ZSWIM6: variants seen among roughly 807,000 people sequenced by gnomAD.
ZSWIM6 encodes zinc finger SWIM domain-containing protein 6.
In ZSWIM6, 9 loss-of-function variants were observed where a neutral mutation model predicts 113.2. The ratio of observed to expected loss-of-function variants is 0.08; its 90% CI spans 0.05 to 0.14. The LOEUF (loss-of-function observed/expected upper bound fraction) is 0.14. Ranked by LOEUF, ZSWIM6 falls within the 10% of genes least tolerant of loss-of-function variation. The probability of loss-of-function intolerance (pLI) is 1.00; values close to 1 mark genes in which losing one functional copy is unlikely to be tolerated. For synonymous variants in ZSWIM6, 611 were observed against 606.5 expected (o/e 1.01, Z -0.11); for missense variants, 1,162 against 1,552.2 (o/e 0.75, Z 4.22).
intron 1 of ZSWIM6, among the ~76,000 whole-genome samples, chr5:61,470,539 C>T (rs1561250699): frequency 1.3e-5 from 2 of 152,042 alleles, no homozygotes; most frequent in Admixed American, 1.3e-4. Context: ...TTTACTTTTT[C>T]ATGTGACTTT....
chr5:61,343,625 A>T (rs377613803), intron 1 of ZSWIM6, among the ~76,000 whole-genome samples: 22 of 152,172 alleles, frequency 1.4e-4, no homozygotes, highest in South Asian at 2.1e-4. Context: ...GTGTGGCTGT[A>T]GGTCTTTGTT....
chr5:61,371,855 C>T (rs1030205401), intron 1 of ZSWIM6, among the ~76,000 whole-genome samples: 1 of 152,020 alleles, frequency 6.6e-6, no homozygotes, highest in Non-Finnish European at 1.5e-5. Context: ...GTATTATTAT[C>T]CTCCCTCACC....
At chr5:61,495,114 A>C (rs1419885052) in intron 4 of ZSWIM6, among the ~76,000 whole-genome samples, 1 of 152,180 alleles carries the variant, frequency 6.6e-6, no homozygotes, top group African/African-American at 2.4e-5. Flanking sequence ...AAATTTTGAC[A>C]AATATATCAG....
intron 1 of ZSWIM6, among the ~76,000 whole-genome samples, chr5:61,369,972 A>G (rs1745230652): frequency 6.6e-6 from 1 of 152,242 alleles, no homozygotes; most frequent in Non-Finnish European, 1.5e-5. Flanking sequence ...AGGCTATAGC[A>G]TAAATCAGAT....
chr5:61,492,543 T>C (rs968728698), intron 3 of ZSWIM6, among the ~76,000 whole-genome samples: 1 of 152,136 alleles, frequency 6.6e-6, no homozygotes, highest in African/African-American at 2.4e-5. Flanking sequence ...CTATTTTACA[T>C]GGTTGTTGTG....
At chr5:61,345,101 T>C (rs1189398396) in intron 1 of ZSWIM6, among the ~76,000 whole-genome samples, 1 of 152,224 alleles carries the variant, frequency 6.6e-6, no homozygotes, top group Non-Finnish European at 1.5e-5. Flanking sequence ...TTATTTACTA[T>C]GCCTCGGGGG....
chr5:61,354,371 T>C (rs1744854952), intron 1 of ZSWIM6, among the ~76,000 whole-genome samples: 1 of 152,226 alleles, frequency 6.6e-6, no homozygotes, highest in Non-Finnish European at 1.5e-5. Context: ...AATCCACCTA[T>C]GCTGTACAAT....
intron 1 of ZSWIM6, among the ~76,000 whole-genome samples, chr5:61,424,384 A>G (rs1746420538): frequency 6.6e-6 from 1 of 152,218 alleles, no homozygotes; most frequent in Non-Finnish European, 1.5e-5. Context: ...AAGGGCAAAC[A>G]TAAAGGAGAA....
intron 1 of ZSWIM6, among the ~76,000 whole-genome samples, chr5:61,370,928 C>A (rs1387250212): frequency 6.6e-6 from 1 of 152,092 alleles, no homozygotes; most frequent in Non-Finnish European, 1.5e-5. Flanking sequence ...CATATGTTTG[C>A]GTATTCATTG....
chr5:61,336,259 A>G (rs1169307106), intron 1 of ZSWIM6, among the ~76,000 whole-genome samples: 1 of 152,106 alleles, frequency 6.6e-6, no homozygotes, highest in Non-Finnish European at 1.5e-5. Flanking sequence ...GTAAGACTCC[A>G]TCTCAAAAAA....
chr5:61,473,574 T>C (rs1747630964), intron 2 of ZSWIM6, among the ~76,000 whole-genome samples: 2 of 152,206 alleles, frequency 1.3e-5, no homozygotes, highest in South Asian at 2.1e-4. Context: ...TTCTCATTTA[T>C]TTGTGAACGT....
chr5:61,448,000 C>T lies in ZSWIM6; in HGVS notation c.677-24681C>T, dbSNP rs565393856. On this transcript the variant is annotated intron_variant, in intron 1 of 13. Coordinates refer to ENST00000252744, the MANE Select transcript of ZSWIM6 (RefSeq NM_020928.2). The stretch of plus-strand genomic sequence containing the variant: ...TAGGCAATTGTGATGGGTGAGGGGT[C>T]TGGTGTCTCATTATCCAGATATGGT... 7.9e-5 allele frequency among the ~76,000 whole-genome samples: 12 copies of T among 152,208 alleles called. No individual in the cohort carries two copies. In the South Asian group the frequency reaches 2.5e-3, roughly 32 times the overall value.
intron 10 of ZSWIM6, among the ~76,000 whole-genome samples, chr5:61,537,081 TGC>T (rs1197638721): frequency 6.6e-6 from 1 of 152,238 alleles, no homozygotes; most frequent in East Asian, 1.9e-4. Context: ...AATGTTATGG[TGC>T]CACCAGATGC....
chr5:61,479,916 C>CT (rs57327797), intron 2 of ZSWIM6, among the ~76,000 whole-genome samples: 54,758 of 148,296 alleles, frequency 0.37, 9,956 homozygotes, highest in South Asian at 0.43. Context: ...TGTGAACCAG[C>CT]TTTTTTTTTT....
intron 1 of ZSWIM6, among the ~76,000 whole-genome samples, chr5:61,393,125 C>T (rs1579972477): frequency 6.6e-6 from 1 of 151,922 alleles, no homozygotes; most frequent in African/African-American, 2.4e-5. Context: ...CTGCAACCTC[C>T]GCCTCCCAGG....
At chr5:61,426,732 T>G (rs920432159) in intron 1 of ZSWIM6, among the ~76,000 whole-genome samples, 1 of 152,158 alleles carries the variant, frequency 6.6e-6, no homozygotes, top group African/African-American at 2.4e-5. Context: ...TTATTACAAC[T>G]GACATTTTAA....
At chr5:61,483,521 G>T (rs1357953397) in intron 2 of ZSWIM6, among the ~76,000 whole-genome samples, 1 of 152,028 alleles carries the variant, frequency 6.6e-6, no homozygotes, top group Admixed American at 6.6e-5. Context: ...ATCTATGTAT[G>T]TATATATGTA....
intron 1 of ZSWIM6, among the ~76,000 whole-genome samples, chr5:61,348,389 C>T (rs1744711648): frequency 6.6e-6 from 1 of 152,150 alleles, no homozygotes; most frequent in Admixed American, 6.5e-5. Flanking sequence ...CTCACCCCTA[C>T]CTCCATTCAG....
At chr5:61,461,656 C>A (rs1747326417) in intron 1 of ZSWIM6, among the ~76,000 whole-genome samples, 1 of 152,114 alleles carries the variant, frequency 6.6e-6, no homozygotes, top group South Asian at 2.1e-4. Context: ...GTGGTTATTA[C>A]CAGGCTCTCA....
Sources: allele counts gnomAD v4.1 joint callset (sites outside exome capture counted in the v4.1 genomes callset), GRCh38; gene constraint gnomAD v4.1.1; transcripts MANE v1.5; gene names NCBI Gene and HGNC (gene_info 2026-07-23, HGNC 2026-07-21).